Variants in REDIC1 observed in about 807,000 individuals in gnomAD.
The protein encoded by REDIC1 is HEI10 Interacting Protein 1.
chr12:39,832,342 T>C, the REDIC1 span, among the ~76,000 whole-genome samples: 1 of 152,168 alleles, frequency 6.6e-6, no homozygotes, highest in Non-Finnish European at 1.5e-5. Context: ...TGATACTCAT[T>C]TGGGAAAGGT....
At chr12:39,797,674 C>T in the REDIC1 span, among the ~76,000 whole-genome samples, 1 of 151,302 alleles carries the variant, frequency 6.6e-6, no homozygotes, top group Non-Finnish European at 1.5e-5. Context: ...TGCAAGTGTG[C>T]TTTCAAATAA....
chr12:39,747,578 C>T, the REDIC1 span, among the ~76,000 whole-genome samples: 1 of 152,110 alleles, frequency 6.6e-6, no homozygotes, highest in South Asian at 2.1e-4. Context: ...ACAGAGAACG[C>T]CACAAAGATA....
At chr12:39,733,377 T>G in the REDIC1 span, among the ~76,000 whole-genome samples, 37 of 152,128 alleles carry the variant, frequency 2.4e-4, no homozygotes, top group Non-Finnish European at 4.7e-4. Flanking sequence ...TCTGTTCCTT[T>G]GCTTTAGTTT....
At chr12:39,888,848 CTAT>C in the REDIC1 span, among the ~76,000 whole-genome samples, 1 of 152,116 alleles carries the variant, frequency 6.6e-6, no homozygotes, top group Non-Finnish European at 1.5e-5. Context: ...ACACATACTA[CTAT>C]GATTTGACCC....
At chr12:39,697,336 C>G in the REDIC1 span, among the ~76,000 whole-genome samples, 3 of 152,150 alleles carry the variant, frequency 2.0e-5, no homozygotes, top group East Asian at 3.8e-4. Flanking sequence ...TTATCAACAC[C>G]AGACCTGTTC....
At chr12:39,689,662 G>A in the REDIC1 span, among the ~76,000 whole-genome samples, 1 of 152,124 alleles carries the variant, frequency 6.6e-6, no homozygotes, top group African/African-American at 2.4e-5. Context: ...AGAGGAACCA[G>A]AAAAGGGGGC....
At chr12:39,743,414 C>T in the REDIC1 span, among the ~76,000 whole-genome samples, 2 of 152,286 alleles carry the variant, frequency 1.3e-5, no homozygotes, top group Non-Finnish European at 1.5e-5. Context: ...GTTTACTTAT[C>T]AGAGTTCCTT....
At chr12:39,637,902 T>C in the REDIC1 span, among the ~76,000 whole-genome samples, 5 of 152,214 alleles carry the variant, frequency 3.3e-5, no homozygotes, top group East Asian at 9.7e-4. Context: ...ACATATATCC[T>C]GACATAGCCA....
the REDIC1 span, among the ~76,000 whole-genome samples, chr12:39,714,796 G>A: frequency 0.014 from 2,074 of 151,920 alleles, 59 homozygotes; most frequent in African/African-American, 0.047. Context: ...GTTTTGATTT[G>A]CATTTCCCTG....
chr12:39,683,475 C>A, the REDIC1 span: 23 of 1,592,982 alleles, frequency 1.4e-5, no homozygotes, highest in Non-Finnish European at 2.0e-5. Context: ...AAATATCCAG[C>A]AAACTCTATG....
the REDIC1 span, among the ~76,000 whole-genome samples, chr12:39,818,829 T>TTCTACATATAAA: frequency 1.3e-5 from 2 of 152,142 alleles, no homozygotes; most frequent in African/African-American, 4.8e-5. Context: ...AAAATATTGT[T>TTCTACATATAAA]ATAAGTATAA....
At chr12:39,784,635 T>G in the REDIC1 span, among the ~76,000 whole-genome samples, 2 of 152,172 alleles carry the variant, frequency 1.3e-5, no homozygotes. Context: ...GAAGAAAATC[T>G]AGGCAATACC....
At chr12:39,664,972 G>C in the REDIC1 span, among the ~76,000 whole-genome samples, 1 of 151,918 alleles carries the variant, frequency 6.6e-6, no homozygotes, top group African/African-American at 2.4e-5. Flanking sequence ...CTGGATATTA[G>C]CCATTTGTCA....
chr12:39,653,070 A>G, the REDIC1 span, among the ~76,000 whole-genome samples: 3 of 152,176 alleles, frequency 2.0e-5, no homozygotes, highest in Admixed American at 2.0e-4. Flanking sequence ...ATCAAAAACC[A>G]GAAACCAAAT....
At chr12:39,822,587 T>C in the REDIC1 span, among the ~76,000 whole-genome samples, 3 of 152,186 alleles carry the variant, frequency 2.0e-5, no homozygotes, top group Admixed American at 2.0e-4. Context: ...CTTGCCCCAA[T>C]GTTTGATGAA....
At chr12:39,718,279 A>G in the REDIC1 span, among the ~76,000 whole-genome samples, 1 of 152,142 alleles carries the variant, frequency 6.6e-6, no homozygotes, top group Non-Finnish European at 1.5e-5. Flanking sequence ...TGAATTAGAG[A>G]TGTTGTGCTT....
the REDIC1 span, among the ~76,000 whole-genome samples, chr12:39,842,597 A>G: frequency 6.6e-6 from 1 of 152,054 alleles, no homozygotes; most frequent in East Asian, 1.9e-4. Flanking sequence ...ATCACTCACT[A>G]TAGCACATAT....
the REDIC1 span, among the ~76,000 whole-genome samples, chr12:39,707,733 ACCT>A: frequency 6.6e-6 from 1 of 151,764 alleles, no homozygotes; most frequent in Non-Finnish European, 1.5e-5. Flanking sequence ...GAGAAGTTAC[ACCT>A]CCTTGCATTT....
At chr12:39,725,604 C>A in the REDIC1 span, among the ~76,000 whole-genome samples, 1 of 152,006 alleles carries the variant, frequency 6.6e-6, no homozygotes, top group Non-Finnish European at 1.5e-5. Context: ...ACCACGTGTT[C>A]TCTCATTTCC....
Sources: gnomAD v4.1 joint callset for allele counts (sites outside exome capture counted in the v4.1 genomes callset) on GRCh38, gnomAD v4.1.1 for gene constraint, MANE v1.5 for transcripts, NCBI Gene and HGNC (gene_info 2026-07-23, HGNC 2026-07-21) for gene names.